The following ADGRL2 variants were observed in gnomAD, a reference collection of about 807,000 sequenced individuals.
ADGRL2 encodes adhesion G protein-coupled receptor L2.
A neutral mutation model predicts 157.4 loss-of-function variants in ADGRL2; 44 were observed. The observed-to-expected ratio is 0.28, with a 90% confidence interval of 0.22 to 0.36. The LOEUF (loss-of-function observed/expected upper bound fraction) is 0.36, where lower values mean the gene tolerates loss of function less well. ADGRL2 is among the 10% of genes least tolerant of loss of function. The pLI, the probability that ADGRL2 is intolerant of heterozygous loss-of-function variation, is 1.00. For synonymous variants in ADGRL2, 585 were observed against 624.7 expected, an observed-to-expected ratio of 0.94 and a Z score of 0.95; for missense variants, 1,510 against 1,768.9, an observed-to-expected ratio of 0.85 and a Z score of 2.63.
chr1:81,643,789 A>T (rs537147743), intron 3 of ADGRL2, among the ~76,000 whole-genome samples: 1 of 152,334 alleles, frequency 6.6e-6, no homozygotes, highest in South Asian at 2.1e-4. Flanking sequence ...ATTCATGGAT[A>T]AGAAGACTCA....
At position 81,556,948 on chromosome 1, in the gene ADGRL2, G is replaced by A. The variant is rs1338352409; in HGVS notation, c.-247-23928G>A. On this transcript the variant is annotated intron_variant, in intron 2 of 24. Coordinates refer to the ADGRL2 transcript ENST00000370721. ...CAAAAAATTAGCCAGGCGTGGTGTC[G>A]TATGCCTGTAATCCCAGCTACTCGA... 2.7e-5 allele frequency among the ~76,000 whole-genome samples: 4 copies of A among 150,504 alleles called. 1 individual carries two copies. Among genetic ancestry groups the A allele is most frequent in the Non-Finnish European group, 5.9e-5 (4 of 67,802 alleles).
At chr1:81,821,093 G>C (rs1213435364) in intron 1 of ADGRL2, among the ~76,000 whole-genome samples, 2 of 152,158 alleles carry the variant, frequency 1.3e-5, no homozygotes, top group Non-Finnish European at 2.9e-5. Context: ...ATAAAGGGAA[G>C]TTAATTAAAT....
At chr1:81,401,295 C>T (rs1000963920) in intron 1 of ADGRL2, among the ~76,000 whole-genome samples, 4 of 152,190 alleles carry the variant, frequency 2.6e-5, no homozygotes, top group Non-Finnish European at 5.9e-5. Flanking sequence ...GCAAACTCAG[C>T]TGCCTGGAGT....
At chr1:81,683,977 C>T (rs1379374757) in intron 3 of ADGRL2, among the ~76,000 whole-genome samples, 5 of 151,918 alleles carry the variant, frequency 3.3e-5, no homozygotes, top group East Asian at 1.9e-4. Flanking sequence ...CCACCATGCC[C>T]GGCTCATTTT....
chr1:81,762,879 C>T (rs565290944), intron 2 of ADGRL2, among the ~76,000 whole-genome samples: 4 of 151,670 alleles, frequency 2.6e-5, no homozygotes, highest in African/African-American at 9.7e-5. Flanking sequence ...GGTGAAACCC[C>T]GTCTCTACTA....
At chr1:81,966,712 G>A in intron 13 of ADGRL2, 103 bp downstream of exon 13, 1 of 956,592 alleles carries the variant, frequency 1.0e-6, no homozygotes, top group Non-Finnish European at 1.6e-6. Flanking sequence ...GGGGAGATGG[G>A]AGGGAGGAAA....
intron 3 of ADGRL2, among the ~76,000 whole-genome samples, chr1:81,618,667 C>T (rs777519556): frequency 1.3e-4 from 20 of 152,120 alleles, no homozygotes; most frequent in Non-Finnish European, 2.2e-4. Context: ...AAACATGTTG[C>T]AATTGTTGGA....
At chr1:81,823,250 C>G (rs1294081014) in intron 1 of ADGRL2, among the ~76,000 whole-genome samples, 1 of 151,764 alleles carries the variant, frequency 6.6e-6, no homozygotes, top group East Asian at 1.9e-4. Flanking sequence ...TTCCACTATT[C>G]ATGTTAGTTT....
At chr1:81,415,797 T>C (rs1187582391) in intron 1 of ADGRL2, among the ~76,000 whole-genome samples, 1 of 152,002 alleles carries the variant, frequency 6.6e-6, no homozygotes, top group Non-Finnish European at 1.5e-5. Context: ...ACCTGCTGAA[T>C]GGATGAATAC....
chr1:81,339,356 T>C (rs1661890396), intron 1 of ADGRL2, among the ~76,000 whole-genome samples: 1 of 152,218 alleles, frequency 6.6e-6, no homozygotes, highest in Non-Finnish European at 1.5e-5. Context: ...TTAAGCATCA[T>C]ACCCATATGT....
chr1:81,787,740 T>A (rs1317311903), intron 2 of ADGRL2, among the ~76,000 whole-genome samples: 1 of 151,294 alleles, frequency 6.6e-6, no homozygotes, highest in East Asian at 1.9e-4. Flanking sequence ...AGAAAACTGG[T>A]GAAAGTGAAT....
intron 2 of ADGRL2, among the ~76,000 whole-genome samples, chr1:81,869,175 G>C (rs183921747): frequency 3.2e-4 from 49 of 152,234 alleles, no homozygotes; most frequent in Non-Finnish European, 6.0e-4. Flanking sequence ...TGAGATAGAA[G>C]AGGACCAAAT....
At chr1:81,874,374 A>T (rs145008846) in intron 2 of ADGRL2, among the ~76,000 whole-genome samples, 2,838 of 152,258 alleles carry the variant, frequency 0.019, 78 homozygotes, top group African/African-American at 0.065. Flanking sequence ...TGTAAAATTT[A>T]TCAAAAGTAA....
At chr1:81,790,549 A>G (rs2087286052) in intron 2 of ADGRL2, among the ~76,000 whole-genome samples, 1 of 152,344 alleles carries the variant, frequency 6.6e-6, no homozygotes, top group Admixed American at 6.5e-5. Flanking sequence ...ACATTTATAT[A>G]AGATTTCTAG....
At chr1:81,853,453 C>T (rs1334557714) in intron 2 of ADGRL2, among the ~76,000 whole-genome samples, 1 of 152,086 alleles carries the variant, frequency 6.6e-6, no homozygotes, top group Non-Finnish European at 1.5e-5. Context: ...GGTTTTACCC[C>T]CTAATGTCCT....
In ADGRL2 at chr1:81,602,165, T is replaced by C. The variant is rs1409633851; in HGVS notation, c.-143+21185T>C. ...AAGCAGTTAATTGGAGATATTAAAA[T>C]GAAGTGACCAGTGGCCAGGCACAGT... On this transcript the variant is annotated intron_variant, in intron 3 of 24. Coordinates refer to the ADGRL2 transcript ENST00000370721. Among the ~76,000 whole-genome samples the C allele has an allele frequency of 3.9e-5, 6 of 152,260 alleles. No homozygotes were observed. The East Asian group carries it at 9.7e-4, about 24-fold the overall frequency.
intron 1 of ADGRL2, among the ~76,000 whole-genome samples, chr1:81,701,863 A>G (rs1198206122): frequency 6.6e-6 from 1 of 152,348 alleles, no homozygotes; most frequent in East Asian, 1.9e-4. Flanking sequence ...GAATTGTCTC[A>G]GGAAGGAACC....
intron 3 of ADGRL2, among the ~76,000 whole-genome samples, chr1:81,584,919 T>G (rs920132024): frequency 2.6e-5 from 4 of 152,140 alleles, no homozygotes; most frequent in African/African-American, 9.6e-5. Context: ...CATTAGGAAG[T>G]AAATCCTAAG....
intron 1 of ADGRL2, among the ~76,000 whole-genome samples, chr1:81,835,865 A>G (rs566327884): frequency 8.5e-5 from 13 of 152,216 alleles, no homozygotes; most frequent in African/African-American, 3.1e-4. Flanking sequence ...TAATAAAGCA[A>G]GATAGTACCT....
Sources: gnomAD v4.1 joint callset for allele counts (sites outside exome capture counted in the v4.1 genomes callset) on GRCh38, gnomAD v4.1.1 for gene constraint, MANE v1.5 for transcripts, NCBI Gene and HGNC (gene_info 2026-07-23, HGNC 2026-07-21) for gene names.